SUPT3H: variants seen among roughly 807,000 people sequenced by gnomAD.
SUPT3H encodes transcription initiation protein SPT3 homolog.
In SUPT3H, 44 loss-of-function variants were observed where a neutral mutation model predicts 44.3. The ratio of observed to expected loss-of-function variants is 0.99; its 90% CI spans 0.78 to 1.28. The LOEUF is 1.28. Among genes scored for constraint, SUPT3H ranks in the 50% most tolerant of loss-of-function variants. The pLI, the probability that SUPT3H is intolerant of heterozygous loss-of-function variation, is 0.00. For missense variants in SUPT3H, 380 were observed against 387.1 expected (o/e 0.98, Z 0.15); for synonymous variants, 124 against 125.6 (o/e 0.99, Z 0.09).
intron 6 of SUPT3H, among the ~76,000 whole-genome samples, chr6:44,962,050 T>A (rs1254126538): frequency 1.3e-5 from 2 of 152,202 alleles, no homozygotes; most frequent in Non-Finnish European, 2.9e-5. Context: ...TCTGCTCCTT[T>A]GTTATTGAAA....
chr6:45,158,245 T>C (rs1275509285), intron 2 of SUPT3H, among the ~76,000 whole-genome samples: 1 of 129,658 alleles, frequency 7.7e-6, no homozygotes, highest in Non-Finnish European at 1.6e-5. Context: ...GATAGATAGA[T>C]AATGCCTATA....
At chr6:45,194,549 T>C (rs1344147781) in intron 2 of SUPT3H, among the ~76,000 whole-genome samples, 3 of 152,090 alleles carry the variant, frequency 2.0e-5, no homozygotes, top group African/African-American at 4.8e-5. Flanking sequence ...TATGACTAAA[T>C]TGGTTGAAGT....
chr6:45,062,426 C>G (rs1346773134), intron 3 of SUPT3H, among the ~76,000 whole-genome samples: 2 of 152,116 alleles, frequency 1.3e-5, no homozygotes, highest in African/African-American at 4.8e-5. Context: ...AGCGGATCAG[C>G]CTTCTAAAGA....
At chr6:45,174,816 T>C (rs1383251209) in intron 2 of SUPT3H, among the ~76,000 whole-genome samples, 1 of 151,892 alleles carries the variant, frequency 6.6e-6, no homozygotes, top group African/African-American at 2.4e-5. Context: ...AAAATAAAAA[T>C]AGCCATTCTT....
chr6:44,920,755 A>G (rs576012056), intron 10 of SUPT3H, among the ~76,000 whole-genome samples: 4 of 152,288 alleles, frequency 2.6e-5, no homozygotes, highest in Middle Eastern at 3.4e-3. Context: ...TCAAAATGGC[A>G]TCACTTTATC....
intron 2 of SUPT3H, among the ~76,000 whole-genome samples, chr6:45,137,816 T>A (rs1216738299): frequency 6.6e-6 from 1 of 151,926 alleles, no homozygotes; most frequent in Non-Finnish European, 1.5e-5. Flanking sequence ...GCAAATATAC[T>A]AAACACCCAA....
At chr6:44,897,146 T>C (rs573935157) in intron 10 of SUPT3H, among the ~76,000 whole-genome samples, 1 of 152,266 alleles carries the variant, frequency 6.6e-6, no homozygotes, top group South Asian at 2.1e-4. Context: ...GCCAAGTAGA[T>C]TAGTTAGTGT....
intron 10 of SUPT3H, among the ~76,000 whole-genome samples, chr6:44,891,265 C>CT (rs1394964052): frequency 6.6e-6 from 1 of 152,136 alleles, no homozygotes; most frequent in African/African-American, 2.4e-5. Flanking sequence ...AATTCTACTT[C>CT]TAGGTGTCTA....
chr6:44,890,774 A>ATAAT (rs1561976642), intron 10 of SUPT3H, among the ~76,000 whole-genome samples: 1 of 151,024 alleles, frequency 6.6e-6, no homozygotes, highest in Non-Finnish European at 1.5e-5. Context: ...TAATAATAAA[A>ATAAT]AAAAAAGAAA....
At chr6:45,140,285 C>T (rs894925406) in intron 2 of SUPT3H, among the ~76,000 whole-genome samples, 14 of 152,204 alleles carry the variant, frequency 9.2e-5, no homozygotes, top group Admixed American at 7.2e-4. Context: ...TTTCTTTACC[C>T]ACACCAGTAG....
At chr6:45,375,667 C>T (rs1796677077) in intron 1 of SUPT3H, among the ~76,000 whole-genome samples, 1 of 152,108 alleles carries the variant, frequency 6.6e-6, no homozygotes, top group Admixed American at 6.5e-5. Flanking sequence ...CCTCAGCCTC[C>T]CAAAGTGCTG....
chr6:45,065,806 T>G (rs889315759), intron 3 of SUPT3H, among the ~76,000 whole-genome samples: 2 of 151,590 alleles, frequency 1.3e-5, no homozygotes, highest in South Asian at 4.2e-4. Context: ...GCTGAAATTA[T>G]GGCAATAATC....
At chr6:44,871,116 C>A (rs1364358839) in intron 10 of SUPT3H, among the ~76,000 whole-genome samples, 3 of 150,700 alleles carry the variant, frequency 2.0e-5, no homozygotes, top group Non-Finnish European at 4.4e-5. Context: ...AAAAAAGCAG[C>A]CGGGAAGCTC....
intron 2 of SUPT3H, among the ~76,000 whole-genome samples, chr6:45,262,726 G>A (rs1774583368): frequency 6.6e-6 from 1 of 152,068 alleles, no homozygotes; most frequent in Non-Finnish European, 1.5e-5. Flanking sequence ...CTACAAAATG[G>A]GAGAAAATAT....
chr6:45,288,066 T>C (rs1779610074), intron 2 of SUPT3H, among the ~76,000 whole-genome samples: 1 of 152,174 alleles, frequency 6.6e-6, no homozygotes, highest in Non-Finnish European at 1.5e-5. Flanking sequence ...ATGCACCTAT[T>C]TCTTACTAGA....
At chr6:44,811,504 T>G (rs564384622) in intron 11 of SUPT3H, among the ~76,000 whole-genome samples, 1 of 152,332 alleles carries the variant, frequency 6.6e-6, no homozygotes, top group African/African-American at 2.4e-5. Flanking sequence ...TTAAACTACT[T>G]TCCCATTCCC....
At chr6:44,837,636 T>A (rs566125104) in intron 10 of SUPT3H, among the ~76,000 whole-genome samples, 1 of 152,240 alleles carries the variant, frequency 6.6e-6, no homozygotes. Flanking sequence ...TTTCTGGGCT[T>A]CTTCTTACTG....
chr6:44,912,803 T>C (rs1767258327), intron 10 of SUPT3H, among the ~76,000 whole-genome samples: 1 of 152,196 alleles, frequency 6.6e-6, no homozygotes, highest in South Asian at 2.1e-4. Flanking sequence ...TGATAGTTGA[T>C]ACAGAAGGAA....
At chr6:44,968,059 C>T (rs1363565504) in intron 6 of SUPT3H, among the ~76,000 whole-genome samples, 1 of 152,062 alleles carries the variant, frequency 6.6e-6, no homozygotes, top group Non-Finnish European at 1.5e-5. Context: ...TCCCAAAGTG[C>T]TGGGATTACA....
Sources: allele counts gnomAD v4.1 joint callset (sites outside exome capture counted in the v4.1 genomes callset), GRCh38; gene constraint gnomAD v4.1.1; transcripts MANE v1.5; gene names NCBI Gene and HGNC (gene_info 2026-07-23, HGNC 2026-07-21).